The following CTNNA3 variants were observed in gnomAD, a reference collection of about 807,000 sequenced individuals.
CTNNA3 encodes the protein catenin alpha 3.
In CTNNA3, 76 loss-of-function variants were observed where a neutral mutation model predicts 95.7. The ratio of observed to expected loss-of-function variants is 0.79; its 90% CI spans 0.66 to 0.96. CTNNA3 has a LOEUF of 0.96. Ranked by LOEUF, CTNNA3 falls within the 40% of genes least tolerant of loss-of-function variation. CTNNA3 has a pLI of 0.00. For synonymous variants in CTNNA3, 431 were observed against 374.4 expected, an observed-to-expected ratio of 1.15 and a Z score of -1.74; for missense variants, 1,191 against 1,089.8, an observed-to-expected ratio of 1.09 and a Z score of -1.31.
At chr10:66,386,244 A>G (rs2092890489) in intron 11 of CTNNA3, among the ~76,000 whole-genome samples, 1 of 152,214 alleles carries the variant, frequency 6.6e-6, no homozygotes, top group Non-Finnish European at 1.5e-5. Flanking sequence ...AACTTCAGCA[A>G]AGTCTCAGGA....
intron 7 of CTNNA3, among the ~76,000 whole-genome samples, chr10:66,825,153 C>T (rs577084029): frequency 6.7e-6 from 1 of 149,396 alleles, no homozygotes; most frequent in African/African-American, 2.5e-5. Context: ...GCACTTAGAA[C>T]AATGCTTGAC....
At chr10:66,414,841 GCA>G (rs1252242592) in intron 11 of CTNNA3, among the ~76,000 whole-genome samples, 1 of 152,082 alleles carries the variant, frequency 6.6e-6, no homozygotes, top group Non-Finnish European at 1.5e-5. Flanking sequence ...CCATTCTAGA[GCA>G]CCATCCCCAG....
At chr10:67,554,881 G>A (rs541410129) in intron 3 of CTNNA3, among the ~76,000 whole-genome samples, 117 of 152,244 alleles carry the variant, frequency 7.7e-4, no homozygotes, top group Admixed American at 1.9e-3. Context: ...GGTTTTTATC[G>A]TTTTAGGTCT....
chr10:66,987,840 T>G lies in CTNNA3; in HGVS notation c.1047+192477A>C, dbSNP rs932868949. The stretch of plus-strand genomic sequence containing the variant: ...TGATCCAGATTTAAGATTTAATCAG[T>G]GGCTTTACAATTTAAGTTAGTTTAC... On this transcript the variant is annotated intron_variant, in intron 7 of 17. Coordinates refer to ENST00000433211, the MANE Select transcript of CTNNA3 (RefSeq NM_013266.4). Among the ~76,000 whole-genome samples the G allele has an allele frequency of 2.0e-5, 3 of 152,336 alleles. No individual in the cohort carries two copies. The East Asian group carries it at 5.8e-4, about 29-fold the overall frequency.
intron 5 of CTNNA3, among the ~76,000 whole-genome samples, chr10:67,464,508 G>A (rs1847506701): frequency 6.6e-6 from 1 of 152,130 alleles, no homozygotes; most frequent in African/African-American, 2.4e-5. Flanking sequence ...TATTGGAAGA[G>A]CAGACAGCCT....
At chr10:66,100,391 G>A (rs2081574223) in intron 14 of CTNNA3, among the ~76,000 whole-genome samples, 1 of 152,152 alleles carries the variant, frequency 6.6e-6, no homozygotes, top group Non-Finnish European at 1.5e-5. Context: ...CCCAATGCAG[G>A]AAGTGAATAA....
chr10:67,559,787 C>T (rs185619502), intron 3 of CTNNA3, among the ~76,000 whole-genome samples: 47 of 152,076 alleles, frequency 3.1e-4, no homozygotes, highest in African/African-American at 1.1e-3. Context: ...CAGAGAAGTG[C>T]TTAAAGGAGC....
At chr10:66,210,718 A>T (rs1262477290) in intron 13 of CTNNA3, among the ~76,000 whole-genome samples, 6 of 152,234 alleles carry the variant, frequency 3.9e-5, no homozygotes, top group Non-Finnish European at 7.3e-5. Context: ...GTGTATGCTA[A>T]AATATATAAA....
chr10:66,137,775 C>A (rs111411830), intron 13 of CTNNA3, among the ~76,000 whole-genome samples: 19 of 151,882 alleles, frequency 1.3e-4, no homozygotes, highest in African/African-American at 4.6e-4. Context: ...GGCAAAATCC[C>A]GACTCAACAA....
At position 67,227,547 on chromosome 10, in the gene CTNNA3, A is replaced by T. The variant is rs1864984535; in HGVS notation, c.580-7677T>A. On this transcript the variant is annotated intron_variant, in intron 5 of 17. Coordinates refer to ENST00000433211, the MANE Select transcript of CTNNA3 (RefSeq NM_013266.4). The stretch of plus-strand genomic sequence containing the variant: ...GCAACACTGGAGCTCCCAAATTTAT[A>T]AAACAATTACTAATAGATCTACGCA... Among the ~76,000 whole-genome samples, 7 of 152,364 alleles carry T rather than the reference A, an allele frequency of 4.6e-5. No homozygotes were observed. The South Asian group carries it at 1.4e-3, about 32-fold the overall frequency.
intron 1 of CTNNA3, among the ~76,000 whole-genome samples, chr10:67,757,611 T>C (rs992508802): frequency 2.6e-5 from 4 of 152,198 alleles, no homozygotes; most frequent in African/African-American, 9.6e-5. Context: ...CCCTCGAACA[T>C]CAGACTCAAA....
chr10:66,146,001 G>A (rs754983377), intron 13 of CTNNA3, among the ~76,000 whole-genome samples: 6 of 151,950 alleles, frequency 3.9e-5, no homozygotes, highest in Admixed American at 6.6e-5. Flanking sequence ...CTATAGGCAC[G>A]CGCCACCAAG....
intron 12 of CTNNA3, among the ~76,000 whole-genome samples, chr10:66,288,191 CT>C (rs1365265515): frequency 2.0e-5 from 3 of 151,970 alleles, no homozygotes; most frequent in Non-Finnish European, 2.9e-5. Context: ...ATTTGCCTAT[CT>C]TCACACACAT....
intron 5 of CTNNA3, among the ~76,000 whole-genome samples, chr10:67,428,801 T>C (rs113775819): frequency 0.025 from 3,867 of 152,056 alleles, 156 homozygotes; most frequent in African/African-American, 0.084. Flanking sequence ...GAGATGGGGC[T>C]AGCCTACCAG....
intron 13 of CTNNA3, among the ~76,000 whole-genome samples, chr10:66,195,492 T>C (rs1333094271): frequency 6.6e-6 from 1 of 152,160 alleles, no homozygotes; most frequent in Non-Finnish European, 1.5e-5. Context: ...CAAATAGTTT[T>C]TGGAGATACA....
chr10:66,205,997 A>G (rs1400797147), intron 13 of CTNNA3, among the ~76,000 whole-genome samples: 1 of 151,978 alleles, frequency 6.6e-6, no homozygotes, highest in East Asian at 1.9e-4. Context: ...ACACTCCAGA[A>G]AAATCAGCAA....
chr10:67,493,213 A>AGGG, intron 5 of CTNNA3, among the ~76,000 whole-genome samples: 1 of 132,442 alleles, frequency 7.6e-6, no homozygotes, highest in Non-Finnish European at 1.6e-5. Flanking sequence ...ACGTGGGGGA[A>AGGG]AAAAAAAAAA....
intron 15 of CTNNA3, among the ~76,000 whole-genome samples, chr10:66,060,657 A>G (rs1040971701): frequency 1.3e-5 from 2 of 152,092 alleles, no homozygotes; most frequent in Non-Finnish European, 2.9e-5. Context: ...GGGGATGAAG[A>G]GAGGGACTGA....
upstream of CTNNA3, among the ~76,000 whole-genome samples, chr10:67,700,773 G>A (rs1393359103): frequency 2.0e-5 from 3 of 152,226 alleles, no homozygotes; most frequent in South Asian, 4.1e-4. Context: ...AAAGCTGGAC[G>A]GAGAATGACT....
Sources: gnomAD v4.1 joint callset for allele counts (sites outside exome capture counted in the v4.1 genomes callset) on GRCh38, gnomAD v4.1.1 for gene constraint, MANE v1.5 for transcripts, NCBI Gene and HGNC (gene_info 2026-07-23, HGNC 2026-07-21) for gene names.